Variants in PRAG1 observed in about 807,000 individuals in gnomAD.
PRAG1 encodes the protein PEAK1 related, kinase-activating pseudokinase 1.
Under a neutral mutation model 95.6 loss-of-function variants are expected in PRAG1, and 110 were observed. The ratio of observed to expected loss-of-function variants is 1.15; its 90% confidence interval spans 0.99 to 1.35. The LOEUF (loss-of-function observed/expected upper bound fraction) is 1.35, where lower values mean the gene tolerates loss of function less well. Among genes scored for constraint, PRAG1 ranks in the 40% most tolerant of loss-of-function variants. The pLI is 0.00. For missense variants in PRAG1, 2,554 were observed against 1,864.7 expected, an observed-to-expected ratio of 1.37 and a Z score of -6.81; for synonymous variants, 1,052 against 819.4, an observed-to-expected ratio of 1.28 and a Z score of -4.85.
At chr8:8,328,626 A>T (rs975909468) in intron 4 of PRAG1, among the ~76,000 whole-genome samples, 165 bp from the exon 5 acceptor site, 1 of 152,184 alleles carries the variant, frequency 6.6e-6, no homozygotes, top group African/African-American at 2.4e-5. Flanking sequence ...CAATGGAAAA[A>T]ATCAAAATGC....
chr8:8,367,388 G>A (rs966459109), intron 3 of PRAG1, among the ~76,000 whole-genome samples: 1 of 125,216 alleles, frequency 8.0e-6, no homozygotes, highest in Non-Finnish European at 1.6e-5. Context: ...AACCCGGGAG[G>A]CAGAGGTTGC....
Position 8,318,151 on chromosome 8 carries a change from G to A in PRAG1, c.*3C>T, listed in dbSNP as rs561095817. 4 of 1,609,912 alleles carry A rather than the reference G, an allele frequency of 2.5e-6. No homozygotes were observed. In the African/African-American group the frequency reaches 5.3e-5, roughly 22 times the overall value. Reference sequence around the variant, plus strand: ...GCAGCGACGGTGCAGGCTGGGGCTTGGCTCACAGAAGCTGCAGGAGCTTCA... The same window carrying A: ...GCAGCGACGGTGCAGGCTGGGGCTTAGCTCACAGAAGCTGCAGGAGCTTCA... On this transcript the variant is annotated 3_prime_UTR_variant, in exon 6 of 6. Transcript: ENST00000615670. This position sits in a 1 kb window ranked among gnomAD's most constrained non-coding sequence, Gnocchi z 4.2.
At chr8:8,345,524 C>T (rs575867444) in intron 3 of PRAG1, among the ~76,000 whole-genome samples, 1 of 152,148 alleles carries the variant, frequency 6.6e-6, no homozygotes, top group Non-Finnish European at 1.5e-5. Context: ...GGCACAGTGG[C>T]TCACACTTGT....
intron 3 of PRAG1, among the ~76,000 whole-genome samples, chr8:8,341,139 C>T (rs1207335832): frequency 6.6e-6 from 1 of 152,136 alleles, no homozygotes; most frequent in Non-Finnish European, 1.5e-5. Flanking sequence ...CTACTTTGCC[C>T]CTTCCAAAGT....
intron 5 of PRAG1, among the ~76,000 whole-genome samples, chr8:8,321,541 C>A (rs1024876191): frequency 1.3e-5 from 2 of 152,174 alleles, no homozygotes; most frequent in African/African-American, 4.8e-5. Flanking sequence ...TGTCTCACCC[C>A]TAACAGATTA....
At position 8,327,845 on chromosome 8, in the gene PRAG1, T is replaced by C. The variant is rs746329088; in HGVS notation, c.2937A>G (p.Lys979=). The C allele has an allele frequency of 1.9e-5, 30 of 1,614,074 alleles. No homozygotes were observed. Among genetic ancestry groups the C allele is most frequent in the Non-Finnish European group, 2.0e-5 (24 of 1,180,030 alleles). Residue 979 remains lysine (K), a synonymous_variant, in exon 5 of 6, where the codon AAA becomes AAG. Coordinates refer to ENST00000615670, the MANE Select transcript of PRAG1 (RefSeq NM_001080826.3). ...TATTCTCATTGAAGTGGAGCTCCTT[T>C]TTCTGGCCGCCCATGAAGAGGTCCT... ...KCEDLFMGGQ[K]KELHFNENNW...
intron 3 of PRAG1, among the ~76,000 whole-genome samples, chr8:8,346,144 A>G (rs1276730651): frequency 6.6e-6 from 1 of 152,226 alleles, no homozygotes; most frequent in Non-Finnish European, 1.5e-5. Context: ...TAACAAGACT[A>G]CTTAGCCTTT....
intron 5 of PRAG1, among the ~76,000 whole-genome samples, chr8:8,321,284 C>T (rs1438950806): frequency 6.6e-6 from 1 of 152,024 alleles, no homozygotes; most frequent in African/African-American, 2.4e-5. Flanking sequence ...AAGGTTTTGC[C>T]ATGTTGCCCA....
At chr8:8,350,251 C>A (rs538329462) in intron 3 of PRAG1, among the ~76,000 whole-genome samples, 3 of 152,082 alleles carry the variant, frequency 2.0e-5, no homozygotes, top group East Asian at 1.9e-4. Flanking sequence ...TATCCAGGTG[C>A]GGAGGTTTCA....
chr8:8,352,600 CT>C (rs1799558515), intron 3 of PRAG1, among the ~76,000 whole-genome samples: 1 of 152,170 alleles, frequency 6.6e-6, no homozygotes, highest in Non-Finnish European at 1.5e-5. Flanking sequence ...CCTGTTAGTT[CT>C]TAAGTGCAGA....
intron 5 of PRAG1, among the ~76,000 whole-genome samples, chr8:8,320,768 A>G (rs17149947): frequency 0.07 from 10,592 of 152,268 alleles, 636 homozygotes; most frequent in African/African-American, 0.16. Context: ...TTTTTGAAGT[A>G]CCTCAATGCT....
At chr8:8,326,227 A>G (rs1421726841) in intron 5 of PRAG1, among the ~76,000 whole-genome samples, 1 of 148,000 alleles carries the variant, frequency 6.8e-6, no homozygotes, top group Non-Finnish European at 1.5e-5. Context: ...ACTACTATAT[A>G]TTATTTATAT....
intron 3 of PRAG1, among the ~76,000 whole-genome samples, chr8:8,363,079 A>G (rs980160009): frequency 1.4e-5 from 2 of 144,802 alleles, no homozygotes; most frequent in African/African-American, 2.5e-5. Flanking sequence ...ATAGATATAT[A>G]TATGTGTGCG....
At chr8:8,333,340 A>G (rs931332098) in intron 4 of PRAG1, among the ~76,000 whole-genome samples, 5 of 152,220 alleles carry the variant, frequency 3.3e-5, no homozygotes, top group Non-Finnish European at 7.3e-5. Context: ...TATAGAGTAC[A>G]ACACGCTCCA....
chr8:8,378,048 G>A lies in PRAG1; in HGVS notation c.361C>T (p.Pro121Ser), dbSNP rs1800493779. ...GGGGCATCCTCCTGCTTCGGGAGGG[G>A]GAGCTTGCCAGGGGCTCGTCTCCAG... ...VIWRRAPGKL[P>S]LPKQEDAPVV... Residue 121 changes from proline to serine, a missense_variant, in exon 3 of 6, where the codon CCC (proline) becomes TCC (serine). Pro to Ser is a moderately conservative substitution (Grantham distance 74, BLOSUM62 -1). Transcript: ENST00000615670. The A allele has an allele frequency of 1.9e-6, 3 of 1,551,252 alleles. No homozygotes were observed. The highest frequency in any genetic ancestry group is 2.6e-6 in the Non-Finnish European group (3 of 1,149,226).
At chr8:8,339,185 T>C (rs1244500638) in intron 4 of PRAG1, among the ~76,000 whole-genome samples, 1 of 151,994 alleles carries the variant, frequency 6.6e-6, no homozygotes, top group East Asian at 1.9e-4. Flanking sequence ...AGCAGGCCTG[T>C]ACACAGATGG....
chr8:8,347,572 G>GT (rs1278428991), intron 3 of PRAG1, among the ~76,000 whole-genome samples: 3 of 151,366 alleles, frequency 2.0e-5, no homozygotes, highest in Non-Finnish European at 4.4e-5. Context: ...AGTTTTCTTG[G>GT]TGGATAAGAA....
intron 5 of PRAG1, among the ~76,000 whole-genome samples, chr8:8,326,260 A>G (rs1798634559): frequency 1.3e-5 from 2 of 148,538 alleles, no homozygotes; most frequent in African/African-American, 4.9e-5. Flanking sequence ...AATAGTAATA[A>G]TAATATTACT....
intron 5 of PRAG1, among the ~76,000 whole-genome samples, chr8:8,323,651 C>T (rs528296031): frequency 1.3e-5 from 2 of 152,214 alleles, no homozygotes; most frequent in East Asian, 1.9e-4. Context: ...TTGGCTTCTC[C>T]TTGCTGCCAC....
Sources: gnomAD v4.1 joint callset for allele counts (sites outside exome capture counted in the v4.1 genomes callset) on GRCh38, gnomAD v4.1.1 for gene constraint, Gnocchi (gnomAD v3.1) non-coding constraint, MANE v1.5 for transcripts, NCBI Gene and HGNC (gene_info 2026-07-23, HGNC 2026-07-21) for gene names.